Variants in MAPKBP1 observed in about 807,000 individuals in gnomAD.
MAPKBP1 encodes the protein mitogen-activated protein kinase binding protein 1, also known as mitogen-activated protein kinase-binding protein 1.
MAPKBP1 carries 71 observed loss-of-function variants against 170.5 expected under a neutral mutation model. The ratio of observed to expected loss-of-function variants is 0.42; its 90% CI spans 0.34 to 0.51. The LOEUF (loss-of-function observed/expected upper bound fraction) is 0.51. MAPKBP1 is among the 20% of genes least tolerant of loss of function. MAPKBP1 has a pLI of 0.06. For missense variants in MAPKBP1, 1,598 were observed against 1,933.0 expected (o/e 0.83, Z 3.25); for synonymous variants, 719 against 757.9 (o/e 0.95, Z 0.84).
intron 21 of MAPKBP1, 48 bp from the exon 22 acceptor site, chr15:41,819,547 C>CGGGGGGGGGGGGGGT: frequency 8.1e-7 from 1 of 1,228,204 alleles, no homozygotes; most frequent in Non-Finnish European, 1.1e-6. Flanking sequence ...GGTTGGGTGG[C>CGGGGGGGGGGGGGGT]GGGGGGGGGG....
intron 2 of MAPKBP1, among the ~76,000 whole-genome samples, chr15:41,795,101 G>A (rs2064463616): frequency 1.3e-5 from 2 of 149,200 alleles, no homozygotes; most frequent in South Asian, 4.2e-4. Flanking sequence ...GGAGGCAGAG[G>A]TTGCAGTGAG....
intron 2 of MAPKBP1, among the ~76,000 whole-genome samples, chr15:41,798,783 G>A (rs1283302682): frequency 6.6e-6 from 1 of 152,200 alleles, no homozygotes; most frequent in African/African-American, 2.4e-5. Flanking sequence ...CTCAGGTTCG[G>A]TGTTTTCATA....
chr15:41,798,863 G>C (rs996208568), intron 2 of MAPKBP1, among the ~76,000 whole-genome samples: 2 of 152,216 alleles, frequency 1.3e-5, no homozygotes, highest in Non-Finnish European at 2.9e-5. Context: ...AGCCAGGGGA[G>C]ATCAGGGACA....
In MAPKBP1 at chr15:41,812,150, C is replaced by CTGGCAGCCTCACAGGGGTCAAG. The variant is rs771002275; in HGVS notation, c.498+26_498+47dup. 1.1e-5 allele frequency: 18 copies of CTGGCAGCCTCACAGGGGTCAAG among 1,613,306 alleles called. No homozygotes were observed. The South Asian group carries it at 2.0e-4, about 18-fold the overall frequency. On this transcript the variant is annotated intron_variant, in intron 6 of 30. Coordinates refer to ENST00000457542, the MANE Select transcript of MAPKBP1 (RefSeq NM_014994.3). ...AAGGTGAGTGGCTGGGTGGGGTGGC[C>CTGGCAGCCTCACAGGGGTCAAG]TGGCAGCCTCACAGGGGTCAAGTGT...
intron 2 of MAPKBP1, among the ~76,000 whole-genome samples, chr15:41,795,071 A>G (rs944559606): frequency 6.6e-6 from 1 of 151,102 alleles, no homozygotes; most frequent in Non-Finnish European, 1.5e-5. Context: ...AGGCTGAGGC[A>G]GGATAATTGC....
At chr15:41,803,897 A>G (rs992019669) in intron 3 of MAPKBP1, among the ~76,000 whole-genome samples, 29 of 151,632 alleles carry the variant, frequency 1.9e-4, no homozygotes, top group African/African-American at 6.3e-4. Flanking sequence ...CTGGAGTGCA[A>G]TGGCACGATC....
In MAPKBP1 at chr15:41,827,153, G is replaced by T. The variant is rs2065118981; in HGVS notation, c.*1717G>T. 1.3e-5 allele frequency: 2 copies of T among 150,838 alleles called. No homozygotes were observed. Among genetic ancestry groups the T allele is most frequent in the Admixed American group, 6.6e-5 (1 of 15,148 alleles). The allele number at this position is 150,838 out of a possible 1,614,324, so 9.3% of individuals were successfully genotyped here. Reference sequence around the variant, plus strand: ...TACTAAAAATAAAAAAATTAGCTGGGCGTGGTGGTGGGCGCCTGTAATCCC... The same window carrying T: ...TACTAAAAATAAAAAAATTAGCTGGTCGTGGTGGTGGGCGCCTGTAATCCC... On this transcript the variant is annotated 3_prime_UTR_variant, in exon 31 of 31. Coordinates refer to ENST00000457542, the MANE Select transcript of MAPKBP1 (RefSeq NM_014994.3).
rs749975616 is a variant in MAPKBP1, at chr15:41,823,470, G to A, written c.3622G>A (p.Ala1208Thr). Residue 1208 changes from alanine (A) to threonine (T), a missense_variant, in exon 29 of 31, where the codon GCC (alanine) becomes ACC (threonine). Coordinates refer to ENST00000457542, the MANE Select transcript of MAPKBP1 (RefSeq NM_014994.3). The stretch of plus-strand genomic sequence containing the variant: ...AGAAAGACATGAGGCCAGTCTGCAG[G>A]CCCCTTCACCAGGCGCACTGCTGTC... ...PQERHEASLQ[A>T]PSPGALLSRE... 1.2e-6 allele frequency: 2 copies of A among 1,613,272 alleles called. No individual in the cohort carries two copies. The highest frequency in any genetic ancestry group is 8.5e-7 in the Non-Finnish European group (1 of 1,179,528).
intron 10 of MAPKBP1, 97 bp downstream of exon 10, chr15:41,814,836 C>G: frequency 2.1e-6 from 3 of 1,417,000 alleles, no homozygotes; most frequent in Non-Finnish European, 2.9e-6. Context: ...ATCTTAGATT[C>G]CTGCTGCCTC....
At position 41,817,534 on chromosome 15, in the gene MAPKBP1, T is replaced by G. The variant is rs1596092885; in HGVS notation, c.1782+76T>G. 2 of 1,612,624 alleles carry G rather than the reference T, an allele frequency of 1.2e-6. No homozygotes were observed. Among genetic ancestry groups the G allele is most frequent in the Non-Finnish European group, 8.5e-7 (1 of 1,179,220 alleles). ...ATTCCCTGCCTAAGGTTACAAGAGGTGAAGGGAGGCGCAAGTAGGGCTCTT... is the reference window on the plus strand; with the variant it reads ...ATTCCCTGCCTAAGGTTACAAGAGGGGAAGGGAGGCGCAAGTAGGGCTCTT... On this transcript the variant is annotated intron_variant, in intron 15 of 30. Transcript: ENST00000457542. This position sits in a 1 kb window ranked among gnomAD's most constrained non-coding sequence, Gnocchi z 4.2.
Position 41,812,729 on chromosome 15 carries a change from C to A in MAPKBP1, c.636+76C>A, listed in dbSNP as rs1217918630. On this transcript the variant is annotated intron_variant, in intron 7 of 30. Transcript: ENST00000457542. ...CCAGCCCAACCCAGGAGACTCTGCC[C>A]CACTTGGGCCTCTCTCTGCATTCCC... 4 of 1,511,436 alleles carry A rather than the reference C, an allele frequency of 2.6e-6. No individual in the cohort carries two copies. In the East Asian group the frequency reaches 9.1e-5, roughly 34 times the overall value. The allele number at this position is 1,511,436 out of a possible 1,614,324, so 93.6% of individuals were successfully genotyped here.
chr15:41,820,115 A>G (rs1180139523), intron 22 of MAPKBP1, among the ~76,000 whole-genome samples: 1 of 152,208 alleles, frequency 6.6e-6, no homozygotes, highest in East Asian at 1.9e-4. Flanking sequence ...GTTAGAGGGA[A>G]AAGGCCATGA....
Position 41,822,122 on chromosome 15 carries a change from G to A in MAPKBP1, c.3031+12G>A, listed in dbSNP as rs1196901735. ...GCACCCCACTGAAGGTGAGGCTGTA[G>A]CCTGGAGGGAGGGGCCATGGGGGGT... is the stretch of plus-strand genomic sequence containing the variant. On this transcript the variant is annotated intron_variant, in intron 25 of 30. Transcript: ENST00000457542. 11 of 1,591,006 alleles carry A rather than the reference G, an allele frequency of 6.9e-6. No homozygotes were observed. Among genetic ancestry groups the A allele is most frequent in the South Asian group, 4.5e-5 (4 of 88,758 alleles).
At position 41,817,474 on chromosome 15, in the gene MAPKBP1, TTTCC is replaced by T; in HGVS notation, c.1782+18_1782+21del. On this transcript the variant is annotated intron_variant, in intron 15 of 30. Coordinates refer to ENST00000457542, the MANE Select transcript of MAPKBP1 (RefSeq NM_014994.3). The surrounding 1 kb of genome is among the most constrained non-coding windows in gnomAD (Gnocchi z 4.2). ...TGCGCAGAAGGTGAGGGCGCTGGGC[TTTCC>T]TGAGAGGGGCGGGACAGGGCGGGGT... 1.9e-6 allele frequency: 3 copies of T among 1,613,740 alleles called. No homozygotes were observed. In the South Asian group the frequency reaches 3.3e-5, roughly 18 times the overall value.
At chr15:41,779,500 C>A (rs183260548) in intron 2 of MAPKBP1, among the ~76,000 whole-genome samples, 1 of 152,006 alleles carries the variant, frequency 6.6e-6, no homozygotes, top group Admixed American at 6.6e-5. Flanking sequence ...TGAGCCACCA[C>A]GCCCGGCCAG....
intron 2 of MAPKBP1, among the ~76,000 whole-genome samples, chr15:41,793,929 T>G (rs779621547): frequency 6.6e-6 from 1 of 152,108 alleles, no homozygotes; most frequent in Non-Finnish European, 1.5e-5. Flanking sequence ...ATGAGAAACT[T>G]AAATACAAAC....
intron 3 of MAPKBP1, among the ~76,000 whole-genome samples, chr15:41,803,241 C>T (rs973263229): frequency 2.0e-5 from 3 of 151,704 alleles, no homozygotes; most frequent in Non-Finnish European, 1.5e-5. Context: ...ATGGTGAAAT[C>T]TTGTCTCTAG....
Position 41,819,328 on chromosome 15 carries a change from G to T in MAPKBP1, c.2374G>T (p.Glu792Ter). Residue 792 changes from glutamate (E) to a stop codon, truncating the protein, a stop_gained, in exon 21 of 31, where the codon GAA becomes TAA. Transcript: ENST00000457542. LOFTEE classifies it high-confidence loss of function. ...DKEGEDEGTE[E>*]ELPALPVLAK... ...GGAGGGAGAAGATGAGGGGACTGAA[G>T]AAGAACTTCCAGCACTGCCCGTCCT... 6.2e-7 allele frequency: 1 copy of T among 1,614,194 alleles called. No homozygotes were observed. The highest frequency in any genetic ancestry group is 8.5e-7 in the Non-Finnish European group (1 of 1,180,046).
intron 3 of MAPKBP1, among the ~76,000 whole-genome samples, chr15:41,805,468 A>G (rs1356105269): frequency 6.6e-6 from 1 of 152,240 alleles, no homozygotes; most frequent in Non-Finnish European, 1.5e-5. Context: ...CTCCTATGCC[A>G]GAATGGCCTG....
Sources: allele counts gnomAD v4.1 joint callset (sites outside exome capture counted in the v4.1 genomes callset), GRCh38; gene constraint gnomAD v4.1.1; non-coding constraint Gnocchi (gnomAD v3.1); transcripts MANE v1.5; gene names NCBI Gene and HGNC (gene_info 2026-07-23, HGNC 2026-07-21).